The following USH2A variants were observed in gnomAD, a reference collection of about 807,000 sequenced individuals.
USH2A encodes usherin, also known as Usher syndrome 2A (autosomal recessive, mild).
USH2A carries 443 observed loss-of-function variants against 538.9 expected under a neutral mutation model. The observed-to-expected ratio is 0.82, with a 90% CI of 0.76 to 0.89. USH2A has a LOEUF of 0.89. Ranked by LOEUF, USH2A falls within the 40% of genes least tolerant of loss-of-function variation. The pLI is 0.00. For synonymous variants in USH2A, 2,413 were observed against 2,273.5 expected, an observed-to-expected ratio of 1.06 and a Z score of -1.75; for missense variants, 6,633 against 6,324.8, an observed-to-expected ratio of 1.05 and a Z score of -1.65.
At chr1:215,949,283 A>C (rs2102439095) in intron 37 of USH2A, among the ~76,000 whole-genome samples, 1 of 152,224 alleles carries the variant, frequency 6.6e-6, no homozygotes. Context: ...TTTAATGGAG[A>C]TACAAGCTGC....
intron 4 of USH2A, among the ~76,000 whole-genome samples, chr1:216,361,219 A>G (rs1260597590): frequency 1.3e-5 from 2 of 152,110 alleles, no homozygotes; most frequent in Non-Finnish European, 2.9e-5. Context: ...TGGGACAAAA[A>G]TTTTGACCCC....
In USH2A at chr1:215,895,456, T is replaced by A. The variant is rs75288939; in HGVS notation, c.7594+4619A>T. Among the ~76,000 whole-genome samples the A allele has an allele frequency of 3.9e-3, 594 of 152,274 alleles. 5 individuals carry two copies. Among genetic ancestry groups the A allele is most frequent in the African/African-American group, 0.014 (570 of 41,566 alleles). Reference sequence around the variant, plus strand: ...CACTTGAGCTGGGGCTTGATGAATGTGTAGAATTATGTCAGGCAACAAAAG... The same window carrying A: ...CACTTGAGCTGGGGCTTGATGAATGAGTAGAATTATGTCAGGCAACAAAAG... On this transcript the variant is annotated intron_variant, in intron 40 of 71. Transcript: ENST00000307340.
chr1:216,362,774 C>T (rs887453181), intron 4 of USH2A, among the ~76,000 whole-genome samples: 2 of 151,626 alleles, frequency 1.3e-5, no homozygotes, highest in African/African-American at 4.8e-5. Flanking sequence ...GAAACCCCAT[C>T]TCTACTAAAA....
chr1:215,702,227 C>T (rs1277989560), intron 61 of USH2A, among the ~76,000 whole-genome samples: 2 of 152,170 alleles, frequency 1.3e-5, no homozygotes, highest in African/African-American at 4.8e-5. Flanking sequence ...GGTAACCCGA[C>T]CTTTGTCTCT....
At chr1:215,827,164 G>A (rs933983859) in intron 47 of USH2A, among the ~76,000 whole-genome samples, 1 of 152,152 alleles carries the variant, frequency 6.6e-6, no homozygotes, top group Non-Finnish European at 1.5e-5. Flanking sequence ...GCTTAAAATT[G>A]CAAGACTGAA....
intron 13 of USH2A, among the ~76,000 whole-genome samples, chr1:216,237,689 C>CA (rs1202596166): frequency 6.6e-6 from 1 of 152,146 alleles, no homozygotes; most frequent in Non-Finnish European, 1.5e-5. Context: ...TGAAAGTTTG[C>CA]AGGCAAAACC....
intron 13 of USH2A, among the ~76,000 whole-genome samples, chr1:216,235,213 C>T (rs559188773): frequency 2.0e-5 from 3 of 152,172 alleles, no homozygotes; most frequent in Admixed American, 6.5e-5. Context: ...TTAATTATAA[C>T]TGACCTCAAT....
chr1:216,120,709 G>A (rs1024156392), intron 21 of USH2A, among the ~76,000 whole-genome samples: 2 of 151,920 alleles, frequency 1.3e-5, no homozygotes, highest in Admixed American at 6.6e-5. Context: ...AAAATTAGCC[G>A]GGCATGGTGG....
At position 215,688,817 on chromosome 1, in the gene USH2A, G is replaced by T. The variant is rs1289696653; in HGVS notation, c.12067-8441C>A. 2.0e-5 allele frequency among the ~76,000 whole-genome samples: 3 copies of T among 151,994 alleles called. No individual in the cohort carries two copies. The East Asian group carries it at 5.8e-4, about 29-fold the overall frequency. ...CCTATCTCCAAATACAGTCACCTTG[G>T]GGGTTAGGGCTCCAGTGTATGCATT... On this transcript the variant is annotated intron_variant, in intron 61 of 71. Transcript: ENST00000307340.
At chr1:216,027,249 A>G (rs1668988307) in intron 32 of USH2A, among the ~76,000 whole-genome samples, 1 of 152,158 alleles carries the variant, frequency 6.6e-6, no homozygotes, top group African/African-American at 2.4e-5. Flanking sequence ...TTTGGATGGG[A>G]ATAAAGACAC....
At chr1:215,783,031 A>ATTTT in intron 52 of USH2A, 96 bp from the exon 53 acceptor site, 11 of 1,161,822 alleles carry the variant, frequency 9.5e-6, no homozygotes, top group African/African-American at 1.6e-5. Flanking sequence ...ACATTTAAAA[A>ATTTT]TAAATGTTTA....
At chr1:216,182,807 G>A (rs1314948826) in intron 20 of USH2A, among the ~76,000 whole-genome samples, 1 of 152,038 alleles carries the variant, frequency 6.6e-6, no homozygotes, top group Non-Finnish European at 1.5e-5. Flanking sequence ...TACTAATGCA[G>A]CAAAAGCTTT....
At chr1:216,048,459 G>A in intron 31 of USH2A, 75 bp downstream of exon 31, 4 of 1,443,016 alleles carry the variant, frequency 2.8e-6, no homozygotes, top group South Asian at 2.3e-5. Context: ...AAATGGCCTT[G>A]TAGCATTTAG....
intron 21 of USH2A, among the ~76,000 whole-genome samples, chr1:216,137,999 T>C (rs1260908808): frequency 6.6e-6 from 1 of 152,140 alleles, no homozygotes; most frequent in East Asian, 1.9e-4. Flanking sequence ...AAAGGAGGAG[T>C]CAAATCTACT....
At chr1:215,689,499 C>G (rs116719408) in intron 61 of USH2A, among the ~76,000 whole-genome samples, 66 of 152,324 alleles carry the variant, frequency 4.3e-4, no homozygotes, top group African/African-American at 1.5e-3. Context: ...TCTCCCTCCC[C>G]CTGAGTGCAG....
chr1:215,772,358 C>T lies in USH2A; in HGVS notation c.10940-5570G>A, dbSNP rs112680805. On this transcript the variant is annotated intron_variant, in intron 55 of 71. Transcript: ENST00000307340. ...TGAATTAGAAGAGTAGGAAATAGCA[C>T]TTGTAGAGTACAGAAAGGCAAACAC... 1.6e-3 allele frequency among the ~76,000 whole-genome samples: 246 copies of T among 152,250 alleles called. 1 individual carries two copies. Among genetic ancestry groups the T allele is most frequent in the Non-Finnish European group, 2.9e-3 (199 of 68,010 alleles).
intron 66 of USH2A, among the ~76,000 whole-genome samples, chr1:215,648,103 T>C (rs1022339381): frequency 6.6e-6 from 1 of 152,220 alleles, no homozygotes; most frequent in Non-Finnish European, 1.5e-5. Context: ...AAGTGTCTTC[T>C]TTTTCCTTTC....
intron 9 of USH2A, among the ~76,000 whole-genome samples, chr1:216,306,082 C>T (rs1014729529): frequency 2.6e-5 from 4 of 152,096 alleles, no homozygotes; most frequent in African/African-American, 9.7e-5. Context: ...GGACGTTTTC[C>T]TTGATTATTC....
intron 40 of USH2A, among the ~76,000 whole-genome samples, chr1:215,892,154 T>C (rs1460508565): frequency 6.6e-6 from 1 of 152,178 alleles, no homozygotes; most frequent in Admixed American, 6.5e-5. Flanking sequence ...CACACACTTG[T>C]TTGTATTTGT....
Sources: allele counts gnomAD v4.1 joint callset (sites outside exome capture counted in the v4.1 genomes callset), GRCh38; gene constraint gnomAD v4.1.1; transcripts MANE v1.5; gene names NCBI Gene and HGNC (gene_info 2026-07-23, HGNC 2026-07-21).